OR3A3: variants seen among roughly 807,000 people sequenced by gnomAD.
The protein encoded by OR3A3 is olfactory receptor family 3 subfamily A member 3.
For synonymous variants in OR3A3, 103 were observed against 163.9 expected, an observed-to-expected ratio of 0.63 and a Z score of 2.84; for missense variants, 275 against 391.4, an observed-to-expected ratio of 0.70 and a Z score of 2.51.
intron 2 of OR3A3, among the ~76,000 whole-genome samples, chr17:3,414,556 A>C (rs551813846): frequency 6.6e-6 from 1 of 152,338 alleles, no homozygotes; most frequent in South Asian, 2.1e-4. Context: ...GGATTTTAAG[A>C]GTCACAAAAC....
chr17:3,414,079 C>CT (rs1377716437), intron 2 of OR3A3, among the ~76,000 whole-genome samples: 4 of 151,794 alleles, frequency 2.6e-5, no homozygotes, highest in South Asian at 2.1e-4. Context: ...TACCTTGACT[C>CT]TTTTTTTTGA....
chr17:3,412,763 G>A (rs535888456), intron 2 of OR3A3, among the ~76,000 whole-genome samples: 144 of 152,208 alleles, frequency 9.5e-4, no homozygotes, highest in African/African-American at 2.6e-3. Flanking sequence ...CCTAAGGGCC[G>A]TATTGTTTTG....
At chr17:3,419,189 T>C (rs1597375936) in intron 2 of OR3A3, among the ~76,000 whole-genome samples, 1 of 152,366 alleles carries the variant, frequency 6.6e-6, no homozygotes, top group African/African-American at 2.4e-5. Flanking sequence ...TGACACTTCA[T>C]AGTGTGGTCC....
chr17:3,416,310 T>A (rs2072391287), intron 2 of OR3A3, among the ~76,000 whole-genome samples: 1 of 152,216 alleles, frequency 6.6e-6, no homozygotes. Flanking sequence ...TAACCTGGCA[T>A]TCCTGACCAA....
chr17:3,421,391 A>G, exon 3 of OR3A3: 1 of 1,614,142 alleles, frequency 6.2e-7, no homozygotes, highest in African/African-American at 1.3e-5. Flanking sequence ...GGTTCAGTGG[A>G]ATCTTCAGAC....
At chr17:3,416,274 T>C (rs1202939856) in intron 2 of OR3A3, among the ~76,000 whole-genome samples, 1 of 152,198 alleles carries the variant, frequency 6.6e-6, no homozygotes, top group Non-Finnish European at 1.5e-5. Context: ...TCATAAAACA[T>C]ATTAATACAT....
At chr17:3,420,534 G>A in intron 2 of OR3A3, 46 bp from the exon 3 acceptor site, 2 of 1,577,718 alleles carry the variant, frequency 1.3e-6, no homozygotes, top group Non-Finnish European at 1.7e-6. Flanking sequence ...ATGTTAATGT[G>A]AACTGAGTGA....
At chr17:3,411,856 G>A (rs539762026) in intron 1 of OR3A3, 122 bp from the exon 2 acceptor site, 1 of 152,266 alleles carries the variant, frequency 6.6e-6, no homozygotes, top group Non-Finnish European at 1.5e-5. Flanking sequence ...CAGGGCTAGA[G>A]GCAAAGCCTT....
chr17:3,423,331 T>G (rs1050260396), exon 3 of OR3A3: 1 of 152,446 alleles, frequency 6.6e-6, no homozygotes, highest in African/African-American at 2.4e-5. Flanking sequence ...CGTGAGCATC[T>G]AACGCTTGTC....
At chr17:3,415,931 C>G (rs977847029) in intron 2 of OR3A3, among the ~76,000 whole-genome samples, 1 of 151,356 alleles carries the variant, frequency 6.6e-6, no homozygotes, top group Admixed American at 6.6e-5. Flanking sequence ...GTTTCAGCCG[C>G]ATACCAAGTA....
At chr17:3,421,390 G>A in exon 3 of OR3A3, 1 of 1,614,156 alleles carries the variant, frequency 6.2e-7, no homozygotes, top group Non-Finnish European at 8.5e-7. Context: ...GGGTTCAGTG[G>A]AATCTTCAGA....
At chr17:3,416,623 G>T (rs1045403982) in intron 2 of OR3A3, among the ~76,000 whole-genome samples, 4 of 152,062 alleles carry the variant, frequency 2.6e-5, no homozygotes, top group African/African-American at 9.6e-5. Flanking sequence ...AACTGTTCTA[G>T]AATTATTTTA....
chr17:3,423,124 T>C (rs758604366), exon 3 of OR3A3: 6 of 152,182 alleles, frequency 3.9e-5, no homozygotes, highest in Non-Finnish European at 1.5e-5. Flanking sequence ...TGCTCTGTGA[T>C]CTTAGAAAGT....
chr17:3,420,744 G>A, exon 3 of OR3A3: 3 of 1,392,574 alleles, frequency 2.2e-6, no homozygotes, highest in Non-Finnish European at 2.9e-6. Context: ...CAGCCGTCTT[G>A]GTGGAGCCCA....
intron 2 of OR3A3, among the ~76,000 whole-genome samples, chr17:3,414,400 A>G (rs964794632): frequency 2.6e-5 from 4 of 152,072 alleles, no homozygotes; most frequent in African/African-American, 9.7e-5. Flanking sequence ...ACATATTTCT[A>G]CTGTGCAGCT....
chr17:3,414,231 C>T (rs553092701), intron 2 of OR3A3, among the ~76,000 whole-genome samples: 9 of 152,258 alleles, frequency 5.9e-5, no homozygotes, highest in South Asian at 2.1e-4. Flanking sequence ...GCCACCGCAC[C>T]GGACTAATTT....
chr17:3,421,263 T>G (rs2072432755), exon 3 of OR3A3: 4 of 1,614,216 alleles, frequency 2.5e-6, no homozygotes, highest in Non-Finnish European at 2.5e-6. Flanking sequence ...ATGTGGTAGC[T>G]GCTGTGCTGC....
exon 3 of OR3A3, chr17:3,422,031 T>G (rs921763921): frequency 6.5e-6 from 1 of 152,704 alleles, no homozygotes; most frequent in African/African-American, 2.4e-5. Flanking sequence ...AAGGGCCACT[T>G]CATCCCAGCC....
intron 2 of OR3A3, among the ~76,000 whole-genome samples, chr17:3,419,016 C>G (rs535527232): frequency 6.6e-6 from 1 of 152,154 alleles, no homozygotes; most frequent in Non-Finnish European, 1.5e-5. Flanking sequence ...CACCTGGCAG[C>G]AACCAACCCA....
Sources: allele counts gnomAD v4.1 joint callset (sites outside exome capture counted in the v4.1 genomes callset), GRCh38; gene constraint gnomAD v4.1.1; transcripts MANE v1.5; gene names NCBI Gene and HGNC (gene_info 2026-07-23, HGNC 2026-07-21).